The following ST7L variants were observed in gnomAD, a reference collection of about 807,000 sequenced individuals.
ST7L encodes suppressor of tumorigenicity 7 protein-like.
Under a neutral mutation model 72.5 loss-of-function variants are expected in ST7L, and 57 were observed. The observed-to-expected ratio is 0.79, with a 90% CI of 0.64 to 0.98. The LOEUF is 0.98. Ranked by LOEUF, ST7L falls within the 50% of genes least tolerant of loss-of-function variation. The pLI is 0.00. For missense variants in ST7L, 576 were observed against 672.2 expected, an observed-to-expected ratio of 0.86 and a Z score of 1.58; for synonymous variants, 221 against 240.9, an observed-to-expected ratio of 0.92 and a Z score of 0.77.
intron 2 of ST7L, among the ~76,000 whole-genome samples, chr1:112,613,272 G>A (rs907726612): frequency 6.6e-6 from 1 of 152,154 alleles, no homozygotes; most frequent in Non-Finnish European, 1.5e-5. Context: ...ATGAACAATG[G>A]TAATAATAAC....
intron 2 of ST7L, among the ~76,000 whole-genome samples, chr1:112,613,804 C>T (rs1994604): frequency 0.5 from 76,438 of 151,914 alleles, 19,667 homozygotes; most frequent in East Asian, 0.65. Context: ...CACAGCTCAC[C>T]ACAGCCACGA....
chr1:112,615,604 G>C (rs1411254660), intron 2 of ST7L, among the ~76,000 whole-genome samples: 1 of 152,310 alleles, frequency 6.6e-6, no homozygotes, highest in African/African-American at 2.4e-5. Flanking sequence ...GAGCCCAGGA[G>C]TTAAGGCCAC....
rs562891590 is a variant in ST7L, at chr1:112,575,087, T to C, written c.1245+1899A>G. 2.3e-4 allele frequency among the ~76,000 whole-genome samples: 35 copies of C among 151,384 alleles called. No individual in the cohort carries two copies. The South Asian group carries it at 6.5e-3, about 28-fold the overall frequency. Reference sequence around the variant, plus strand: ...CCTCGTCTCTACTAAAAATACAAAATAATTAGCTGGGCGTGGTGGCGCGCA... The same window carrying C: ...CCTCGTCTCTACTAAAAATACAAAACAATTAGCTGGGCGTGGTGGCGCGCA... On this transcript the variant is annotated intron_variant, in intron 11 of 14. Transcript: ENST00000358039.
At chr1:112,585,745 AAATT>A (rs1664782407) in intron 6 of ST7L, among the ~76,000 whole-genome samples, 1 of 152,084 alleles carries the variant, frequency 6.6e-6, no homozygotes, top group Admixed American at 6.5e-5. Context: ...AAAAAAAAAA[AAATT>A]AATATTTTGA....
intron 11 of ST7L, among the ~76,000 whole-genome samples, chr1:112,559,685 T>G (rs1329264457): frequency 6.6e-6 from 1 of 152,156 alleles, no homozygotes; most frequent in Non-Finnish European, 1.5e-5. Flanking sequence ...TTAATCATTT[T>G]AAAAATCTTC....
intron 9 of ST7L, 76 bp downstream of exon 9, chr1:112,581,916 C>T: frequency 9.6e-7 from 1 of 1,039,420 alleles, no homozygotes; most frequent in South Asian, 1.4e-5. Flanking sequence ...AAATTAAATA[C>T]TAGAATATAA....
At chr1:112,578,243 G>T in intron 10 of ST7L, 102 bp downstream of exon 10, 2 of 1,151,998 alleles carry the variant, frequency 1.7e-6, no homozygotes, top group Non-Finnish European at 2.6e-6. Flanking sequence ...CTATTCAGAA[G>T]GAAGTAGAGT....
At chr1:112,582,520 G>T in intron 7 of ST7L, 48 bp from the exon 8 acceptor site, 1 of 1,125,822 alleles carries the variant, frequency 8.9e-7, no homozygotes. Flanking sequence ...TTTGTATTGT[G>T]GGCTGCTATT....
chr1:112,589,412 T>G (rs1465017403), intron 6 of ST7L, among the ~76,000 whole-genome samples: 1 of 152,140 alleles, frequency 6.6e-6, no homozygotes, highest in African/African-American at 2.4e-5. Flanking sequence ...TTCCTATGTA[T>G]GGGACATGTT....
Position 112,553,233 on chromosome 1 carries a change from A to AACACACACACACACAC in ST7L, c.1397-2556_1397-2541dup, listed in dbSNP as rs71584746. Among the ~76,000 whole-genome samples, 483 of 149,476 alleles carry AACACACACACACACAC rather than the reference A, an allele frequency of 3.2e-3. 2 individuals carry two copies. The highest frequency in any genetic ancestry group is 0.011 in the African/African-American group (458 of 40,592). On this transcript the variant is annotated intron_variant, in intron 12 of 14. Coordinates refer to ENST00000358039, the MANE Select transcript of ST7L (RefSeq NM_017744.5). ...CCCAGTTTTATCAATCTTTTCTTTA[A>AACACACACACACACAC]ACACACACACACACACACACACACA...
intron 11 of ST7L, among the ~76,000 whole-genome samples, chr1:112,566,675 CAG>C (rs1661119032): frequency 6.6e-6 from 1 of 152,128 alleles, no homozygotes; most frequent in Admixed American, 6.6e-5. Context: ...CTGAGGCAAA[CAG>C]TGTTTTCATT....
At chr1:112,537,833 A>C (rs1159731517) in intron 14 of ST7L, among the ~76,000 whole-genome samples, 1 of 152,222 alleles carries the variant, frequency 6.6e-6, no homozygotes, top group Admixed American at 6.5e-5. Flanking sequence ...AAAAAGTCCT[A>C]ACTTGCTAAA....
rs1023832808 is a variant in ST7L at position 112,618,721 on chromosome 1, C to T, written c.205+188G>A. The T allele has an allele frequency of 1.3e-5, 17 of 1,264,300 alleles. No homozygotes were observed. In the African/African-American group the frequency reaches 1.8e-4, roughly 13 times the overall value. The allele number at this position is 1,264,300 out of a possible 1,614,324, so 78.3% of individuals were successfully genotyped here. A position where few individuals can be genotyped will look rare whatever the true frequency, so the allele number is the denominator to read the frequency against. ...GACCTTAAGAGTTCTACGGAGGAGC[C>T]GGTAACGGCAGCAGGCTTGTCAATC... On this transcript the variant is annotated intron_variant, in intron 1 of 14. Coordinates refer to ENST00000358039, the MANE Select transcript of ST7L (RefSeq NM_017744.5).
chr1:112,540,051 T>C (rs1031104662), intron 14 of ST7L: 3 of 985,320 alleles, frequency 3.0e-6, no homozygotes, highest in Admixed American at 1.2e-4. Context: ...AAGGAACTTA[T>C]GCTATGTAAT....
downstream of ST7L, chr1:112,522,454 T>C (rs889428643): frequency 6.6e-6 from 1 of 152,212 alleles, no homozygotes; most frequent in African/African-American, 2.4e-5. Context: ...CTATAAAGTA[T>C]TAACAAAAGT....
chr1:112,581,015 T>G (rs1221847086), intron 9 of ST7L, among the ~76,000 whole-genome samples: 1 of 152,224 alleles, frequency 6.6e-6, no homozygotes, highest in East Asian at 1.9e-4. Context: ...TGGATTTGCC[T>G]TTTACTGGCT....
intron 2 of ST7L, among the ~76,000 whole-genome samples, chr1:112,613,313 C>T (rs1016480378): frequency 2.8e-5 from 4 of 144,350 alleles, no homozygotes; most frequent in African/African-American, 5.1e-5. Flanking sequence ...TTTCTATGAG[C>T]CACACATTAT....
chr1:112,542,188 GA>G (rs558161647), intron 13 of ST7L, 98 bp from the exon 14 acceptor site: 62 of 1,256,762 alleles, frequency 4.9e-5, no homozygotes, highest in African/African-American at 9.3e-5. Flanking sequence ...AAATTAAAAA[GA>G]AAAAAAATTT....
intron 2 of ST7L, among the ~76,000 whole-genome samples, chr1:112,613,144 C>A (rs1032384591): frequency 6.6e-6 from 1 of 151,626 alleles, no homozygotes; most frequent in African/African-American, 2.4e-5. Flanking sequence ...AAGATAAGTA[C>A]CATCAAGGGC....
Sources: allele counts gnomAD v4.1 joint callset (sites outside exome capture counted in the v4.1 genomes callset), GRCh38; gene constraint gnomAD v4.1.1; transcripts MANE v1.5; gene names NCBI Gene and HGNC (gene_info 2026-07-23, HGNC 2026-07-21).